SP7: variants seen among roughly 807,000 people sequenced by gnomAD.
SP7 encodes the protein transcription factor Sp7.
SP7 carries 13 observed loss-of-function variants against 27.9 expected under a neutral mutation model. The observed-to-expected ratio is 0.47, with a 90% confidence interval of 0.30 to 0.74. The LOEUF (loss-of-function observed/expected upper bound fraction) is 0.74, where lower values mean the gene tolerates loss of function less well. SP7 is among the 30% of genes least tolerant of loss of function. The pLI is 0.06. For missense variants in SP7, 525 were observed against 558.0 expected, an observed-to-expected ratio of 0.94 and a Z score of 0.60; for synonymous variants, 219 against 226.7, an observed-to-expected ratio of 0.97 and a Z score of 0.31.
intron 2 of SP7, among the ~76,000 whole-genome samples, chr12:53,331,772 T>C (rs1944708234): frequency 6.6e-6 from 1 of 152,192 alleles, no homozygotes; most frequent in Non-Finnish European, 1.5e-5. Context: ...CATAAACTCA[T>C]ATGGGCCTGA....
At chr12:53,334,207 G>C (rs755474532) in intron 2 of SP7, among the ~76,000 whole-genome samples, 1 of 152,086 alleles carries the variant, frequency 6.6e-6, no homozygotes. Context: ...TGTGACAAGG[G>C]ACGTGGTGTC....
chr12:53,339,738 AAAG>A (rs1453048874), upstream of SP7, among the ~76,000 whole-genome samples: 67 of 145,948 alleles, frequency 4.6e-4, no homozygotes, highest in African/African-American at 1.7e-3. Flanking sequence ...AAAAAAAAAA[AAAG>A]AAAGAAAAAA....
upstream of SP7, among the ~76,000 whole-genome samples, chr12:53,337,398 G>A (rs937721991): frequency 3.3e-5 from 5 of 152,224 alleles, no homozygotes; most frequent in African/African-American, 1.2e-4. Context: ...CTGAAACCTG[G>A]GCCATGGGCC....
rs554802250 is a variant in SP7, at chr12:53,344,014, C to T, written c.-34+1100G>A. Among the ~76,000 whole-genome samples the T allele has an allele frequency of 6.6e-6, 1 of 152,016 alleles. No homozygotes were observed. The highest frequency in any genetic ancestry group is 6.5e-5 in the Admixed American group (1 of 15,268). ...AGTGAGCTGAGATTGTGCCACTGCT[C>T]TGCAGCCTGGGCGACAGAGCCAGAC... is the stretch of plus-strand genomic sequence containing the variant. On this transcript the variant is annotated intron_variant, in intron 1 of 1. Transcript: ENST00000547755. The surrounding 1 kb of genome is among the most constrained non-coding windows in gnomAD (Gnocchi z 4.6).
chr12:53,338,599 C>T (rs1262830521), upstream of SP7, among the ~76,000 whole-genome samples: 1 of 152,030 alleles, frequency 6.6e-6, no homozygotes, highest in Non-Finnish European at 1.5e-5. Context: ...GTCACCTTCT[C>T]ACTCCCCGTG....
chr12:53,343,080 G>C (rs1334810985), intron 1 of SP7, among the ~76,000 whole-genome samples: 1 of 150,802 alleles, frequency 6.6e-6, no homozygotes, highest in African/African-American at 2.4e-5. Flanking sequence ...TGGATCACTT[G>C]AGTCTAGGAG....
At chr12:53,331,527 T>G (rs986384841) in intron 2 of SP7, among the ~76,000 whole-genome samples, 1 of 150,912 alleles carries the variant, frequency 6.6e-6, no homozygotes, top group African/African-American at 2.4e-5. Flanking sequence ...ACCATGCTGC[T>G]GCTACCAGGC....
At chr12:53,333,150 C>T (rs1294151782) in intron 2 of SP7, among the ~76,000 whole-genome samples, 2 of 152,176 alleles carry the variant, frequency 1.3e-5, no homozygotes, top group Non-Finnish European at 2.9e-5. Flanking sequence ...AGGCTGAGCA[C>T]GTGGCTAAGT....
Position 53,335,642 on chromosome 12 carries a change from G to A in SP7, c.5C>T (p.Ala2Val), listed in dbSNP as rs1463300395. The A allele has an allele frequency of 3.3e-6, 5 of 1,535,638 alleles. No individual in the cohort carries two copies. Among genetic ancestry groups the A allele is most frequent in the Admixed American group, 2.0e-5 (1 of 49,942 alleles). M[A>V]SSLLEEEVHY... ...GACAGTTACCTCAAGCAGGGAGGAC[G>A]CCATCCTGAGGCTGGGGAACGGGTC... Residue 2 changes from alanine (A) to valine (V), a missense_variant, in exon 2 of 3, where the codon GCG (alanine) becomes GTG (valine). Transcript: ENST00000536324.
intron 1 of SP7, among the ~76,000 whole-genome samples, chr12:53,343,445 G>A (rs1944839784): frequency 1.3e-5 from 2 of 152,168 alleles, no homozygotes; most frequent in Admixed American, 6.6e-5. Flanking sequence ...GAGCCAGGCG[G>A]TTCTGGGTAA....
chr12:53,341,287 C>G (rs1002089994), upstream of SP7, among the ~76,000 whole-genome samples: 2 of 152,134 alleles, frequency 1.3e-5, no homozygotes, highest in African/African-American at 2.4e-5. Context: ...GACATTGAGC[C>G]CTGATATAAT....
chr12:53,329,410 T>C lies in SP7; in HGVS notation c.32A>G (p.His11Arg). MASSLLEEEV[H>R]YGSSPLAMLT... ...CATGGCCAGGGGACTGGAGCCATAGTGAACTTCCTCCTGTGGAAAGAGGGA... is the reference window on the plus strand; with the variant it reads ...CATGGCCAGGGGACTGGAGCCATAGCGAACTTCCTCCTGTGGAAAGAGGGA... Residue 11 changes from histidine to arginine, a missense_variant, in exon 3 of 3, where the codon CAC (histidine) becomes CGC (arginine). His to Arg is a conservative substitution (Grantham distance 29). Transcript: ENST00000536324. 4 of 1,613,734 alleles carry C rather than the reference T, an allele frequency of 2.5e-6. No homozygotes were observed. Among genetic ancestry groups the C allele is most frequent in the Non-Finnish European group, 3.4e-6 (4 of 1,179,726 alleles).
rs1944664629 is a variant in SP7, at chr12:53,328,684, C to A, written c.758G>T (p.Ser253Ile). 5 of 1,607,154 alleles carry A rather than the reference C, an allele frequency of 3.1e-6. No individual in the cohort carries two copies. In the South Asian group the frequency reaches 5.5e-5, roughly 18 times the overall value. Residue 253 changes from serine (S) to isoleucine (I), a missense_variant, in exon 3 of 3, where the codon AGC becomes ATC. Transcript: ENST00000536324. The surrounding 1 kb of genome is among the most constrained non-coding windows in gnomAD (Gnocchi z 5.1). Reference sequence around the variant, plus strand: ...CCCATATCCACCACTACCCCCAGTGCTTGCACCCCGTGGGGGTTTGGCTCC... The same window carrying A: ...CCCATATCCACCACTACCCCCAGTGATTGCACCCCGTGGGGGTTTGGCTCC... The part of the protein sequence containing the change: ...SGGAKPPRGA[S>I]TGGSGGYGGS...
At position 53,328,293 on chromosome 12, in the gene SP7, G is replaced by A. The variant is rs1409786700; in HGVS notation, c.1149C>T (p.Pro383=). 7.4e-6 allele frequency: 12 copies of A among 1,610,956 alleles called. No homozygotes were observed. The highest frequency in any genetic ancestry group is 4.0e-5 in the African/African-American group (3 of 74,992). The part of the protein sequence containing the change: ...QRTHGEPGPG[P]PPSGPKELGE... ...CCAGCTCCTTGGGGCCACTGGGAGG[G>A]GGACCCGGGCCTGGTTCTCCATGGG... Residue 383 remains proline (P), a synonymous_variant, in exon 3 of 3, where the codon CCC becomes CCT. Transcript: ENST00000536324. This position sits in a 1 kb window ranked among gnomAD's most constrained non-coding sequence, Gnocchi z 5.1.
rs995094897 is a variant in SP7 at position 53,329,273 on chromosome 12, AGGCTGAAAGGTCACT to A, written c.154_168del (p.Asp53_Ser57del). The stretch of plus-strand genomic sequence containing the variant: ...GGATAAGCATCCCCCATGGTTTTGG[AGGCTGAAAGGTCACT>A]GCCCACAGAGTACGGCTTCTTTGTG... On this transcript the variant is annotated inframe_deletion, in exon 3 of 3. Transcript: ENST00000536324. The A allele has an allele frequency of 3.7e-6, 6 of 1,613,696 alleles. No homozygotes were observed. In the African/African-American group the frequency reaches 8.0e-5, roughly 22 times the overall value.
At position 53,328,248 on chromosome 12, in the gene SP7, C is replaced by T; in HGVS notation, c.1194G>A (p.Gly398=). 6.2e-7 allele frequency: 1 copy of T among 1,612,370 alleles called. No homozygotes were observed. Among genetic ancestry groups the T allele is most frequent in the Non-Finnish European group, 8.5e-7 (1 of 1,179,198 alleles). ...GGGGCGTCTGACTGGCCTCCTCTTC[C>T]CCCGTGCTGCGGCCCTCCCCCAGCT... ...PKELGEGRST[G]EEEASQTPRP... The change falls in exon 3 of 3, where the codon GGG becomes GGA. Residue 398 remains glycine, a synonymous_variant. Transcript: ENST00000536324. This position sits in a 1 kb window ranked among gnomAD's most constrained non-coding sequence, Gnocchi z 5.1.
chr12:53,342,203 C>T (rs1338855329), intron 1 of SP7, among the ~76,000 whole-genome samples: 4 of 151,950 alleles, frequency 2.6e-5, no homozygotes, highest in Non-Finnish European at 4.4e-5. Context: ...GCAGAGATTG[C>T]AGTGAGCCGA....
chr12:53,328,201 G>A lies in SP7; in HGVS notation c.1241C>T (p.Thr414Ile), dbSNP rs1394152843. 6.2e-7 allele frequency: 1 copy of A among 1,613,264 alleles called. No homozygotes were observed. The highest frequency in any genetic ancestry group is 8.5e-7 in the Non-Finnish European group (1 of 1,179,690). Residue 414 changes from threonine to isoleucine, a missense_variant, in exon 3 of 3, where the codon ACC becomes ATC. By Grantham distance (89) the Thr-to-Ile change is moderately conservative (BLOSUM62 -1). Transcript: ENST00000536324. This position sits in a 1 kb window ranked among gnomAD's most constrained non-coding sequence, Gnocchi z 5.1. ...QTPRPSASPA[T>I]PEKAPGGSPE... The stretch of plus-strand genomic sequence containing the variant: ...GCTGCCTCCAGGGGCTTTCTCTGGG[G>A]TTGCTGGCGAGGCAGAAGGTCGGGG...
At chr12:53,342,848 AAAAAT>A (rs1374886661) in intron 1 of SP7, among the ~76,000 whole-genome samples, 8 of 151,234 alleles carry the variant, frequency 5.3e-5, no homozygotes, top group South Asian at 4.2e-4. Context: ...AATAAATAAT[AAAAAT>A]AAAATAAAAT....
Sources: gnomAD v4.1 joint callset for allele counts (sites outside exome capture counted in the v4.1 genomes callset) on GRCh38, gnomAD v4.1.1 for gene constraint, Gnocchi (gnomAD v3.1) non-coding constraint, MANE v1.5 for transcripts, NCBI Gene and HGNC (gene_info 2026-07-23, HGNC 2026-07-21) for gene names.